The following SCHIP1 variants were observed in gnomAD, a reference collection of about 807,000 sequenced individuals.
The protein encoded by SCHIP1 is schwannomin-interacting protein 1.
A neutral mutation model predicts 29.7 loss-of-function variants in SCHIP1; 8 were observed. The observed-to-expected ratio is 0.27, with a 90% CI of 0.16 to 0.49. SCHIP1 has a LOEUF of 0.49. SCHIP1 is among the 20% of genes least tolerant of loss of function. The pLI is 0.99. For missense variants in SCHIP1, 193 were observed against 294.6 expected (o/e 0.66, Z 2.52); for synonymous variants, 76 against 94.9 (o/e 0.80, Z 1.16).
At chr3:159,412,547 T>C in the SCHIP1 span, among the ~76,000 whole-genome samples, 12 of 152,246 alleles carry the variant, frequency 7.9e-5, no homozygotes, top group South Asian at 2.5e-3. Context: ...AGGGTAACCA[T>C]TGTGATATAT....
the SCHIP1 span, among the ~76,000 whole-genome samples, chr3:159,315,160 T>C: frequency 9.9e-5 from 15 of 151,986 alleles, no homozygotes; most frequent in African/African-American, 2.9e-4. Flanking sequence ...CATGTCCTTG[T>C]CAACACTTGG....
the SCHIP1 span, among the ~76,000 whole-genome samples, chr3:159,385,583 A>C: frequency 3.6e-3 from 404 of 113,498 alleles, 5 homozygotes; most frequent in African/African-American, 0.014. Context: ...AACAAAAAAA[A>C]AAAAACCAAA....
At chr3:159,395,458 G>C in the SCHIP1 span, among the ~76,000 whole-genome samples, 11 of 151,740 alleles carry the variant, frequency 7.2e-5, no homozygotes, top group African/African-American at 2.4e-4. Context: ...TGGGCATTTA[G>C]TGCTATAAAT....
chr3:159,725,002 TTCA>T, the SCHIP1 span, among the ~76,000 whole-genome samples: 12 of 152,210 alleles, frequency 7.9e-5, no homozygotes, highest in Admixed American at 6.5e-5. Flanking sequence ...TCATCTTGTT[TTCA>T]TCAGTTATGC....
At chr3:159,853,251 C>T (rs905693590) in intron 1 of SCHIP1, 29 of 527,284 alleles carry the variant, frequency 5.5e-5, no homozygotes, top group African/African-American at 2.0e-4. Flanking sequence ...CACACACGGC[C>T]GGGCACAGCC....
chr3:159,842,591 G>A (rs1037874443), intron 1 of SCHIP1, among the ~76,000 whole-genome samples: 8 of 152,064 alleles, frequency 5.3e-5, no homozygotes, highest in African/African-American at 1.4e-4. Flanking sequence ...ATATCAGCTC[G>A]TCCCTGCTTC....
chr3:159,794,052 T>A, the SCHIP1 span, among the ~76,000 whole-genome samples: 2 of 152,230 alleles, frequency 1.3e-5, no homozygotes, highest in African/African-American at 4.8e-5. Flanking sequence ...GTCTTTAACG[T>A]CATCACATCT....
At chr3:159,500,449 C>T in the SCHIP1 span, among the ~76,000 whole-genome samples, 3 of 152,296 alleles carry the variant, frequency 2.0e-5, no homozygotes, top group South Asian at 2.1e-4. Context: ...CATGTTGGCT[C>T]ACGCCTGTAA....
the SCHIP1 span, among the ~76,000 whole-genome samples, chr3:159,561,746 T>C: frequency 2.6e-5 from 4 of 152,184 alleles, no homozygotes; most frequent in African/African-American, 9.6e-5. Context: ...CTTAAGTAGA[T>C]GGTGGTTTAA....
At chr3:159,610,652 C>A in the SCHIP1 span, among the ~76,000 whole-genome samples, 1 of 152,074 alleles carries the variant, frequency 6.6e-6, no homozygotes, top group Non-Finnish European at 1.5e-5. Context: ...TCTTGTAAAG[C>A]TGGAAAACTG....
chr3:159,283,631 T>G, the SCHIP1 span, among the ~76,000 whole-genome samples: 1 of 152,182 alleles, frequency 6.6e-6, no homozygotes, highest in Non-Finnish European at 1.5e-5. Context: ...CCACCTCTAA[T>G]TGGTTATTAC....
At chr3:159,815,192 C>T in the SCHIP1 span, among the ~76,000 whole-genome samples, 1 of 152,202 alleles carries the variant, frequency 6.6e-6, no homozygotes, top group Non-Finnish European at 1.5e-5. Flanking sequence ...CCGTGGTCTG[C>T]ACTGCCCTAA....
the SCHIP1 span, among the ~76,000 whole-genome samples, chr3:159,668,376 C>CAAAAAAAAAAAAA: frequency 2.6e-4 from 12 of 46,418 alleles, no homozygotes; most frequent in African/African-American, 1.1e-3. Context: ...GACTCCGTCT[C>CAAAAAAAAAAAAA]AAAAAAAAAA....
At chr3:159,780,613 T>G in the SCHIP1 span, among the ~76,000 whole-genome samples, 1 of 152,232 alleles carries the variant, frequency 6.6e-6, no homozygotes, top group African/African-American at 2.4e-5. Flanking sequence ...GTGTCATAAA[T>G]GTAACATGCC....
chr3:159,550,000 CTTTG>C, the SCHIP1 span, among the ~76,000 whole-genome samples: 1 of 144,274 alleles, frequency 6.9e-6, no homozygotes, highest in East Asian at 2.1e-4. Context: ...TAAACCATCT[CTTTG>C]TTTATTCTCT....
chr3:159,523,150 T>C, the SCHIP1 span, among the ~76,000 whole-genome samples: 2 of 152,306 alleles, frequency 1.3e-5, no homozygotes, highest in Non-Finnish European at 2.9e-5. Flanking sequence ...TGTTACAGAA[T>C]GTATCCCTAA....
the SCHIP1 span, among the ~76,000 whole-genome samples, chr3:159,284,472 G>A: frequency 7.2e-4 from 109 of 151,916 alleles, 1 homozygote; most frequent in African/African-American, 2.5e-3. Context: ...TATTTAGTTT[G>A]CCTGTTAACT....
chr3:159,697,805 G>A, the SCHIP1 span, among the ~76,000 whole-genome samples: 2 of 152,132 alleles, frequency 1.3e-5, no homozygotes, highest in South Asian at 2.1e-4. Flanking sequence ...CAAATGAAAT[G>A]TATTTCACTT....
intron 1 of SCHIP1, among the ~76,000 whole-genome samples, chr3:159,841,802 G>A (rs1246610064): frequency 1.3e-5 from 2 of 152,116 alleles, no homozygotes; most frequent in Admixed American, 1.3e-4. Flanking sequence ...TAATAGTTTT[G>A]AAGTATTTAT....
Sources: gnomAD v4.1 joint callset for allele counts (sites outside exome capture counted in the v4.1 genomes callset) on GRCh38, gnomAD v4.1.1 for gene constraint, MANE v1.5 for transcripts, NCBI Gene and HGNC (gene_info 2026-07-23, HGNC 2026-07-21) for gene names.